ST6GAL2: variants seen among roughly 807,000 people sequenced by gnomAD.
ST6GAL2 encodes the protein beta-galactoside alpha-2,6-sialyltransferase 2.
In ST6GAL2, 24 loss-of-function variants were observed where a neutral mutation model predicts 37.5. That is an observed-to-expected ratio of 0.64 (90% CI 0.46 to 0.90). The LOEUF (loss-of-function observed/expected upper bound fraction) is 0.90. Ranked by LOEUF, ST6GAL2 falls within the 40% of genes least tolerant of loss-of-function variation. The probability of loss-of-function intolerance (pLI) is 0.00; values close to 1 mark genes in which losing one functional copy is unlikely to be tolerated. For synonymous variants in ST6GAL2, 306 were observed against 295.1 expected (o/e 1.04, Z -0.38); for missense variants, 715 against 712.7 (o/e 1.00, Z -0.04).
intron 1 of ST6GAL2, among the ~76,000 whole-genome samples, chr2:106,876,730 T>C (rs1678517207): frequency 6.6e-6 from 1 of 152,198 alleles, no homozygotes; most frequent in African/African-American, 2.4e-5. Flanking sequence ...TCTGTGCAAG[T>C]TGGCACTGGC....
chr2:106,859,347 G>T (rs1439131648), intron 1 of ST6GAL2, among the ~76,000 whole-genome samples: 1 of 152,112 alleles, frequency 6.6e-6, no homozygotes, highest in African/African-American at 2.4e-5. Flanking sequence ...AGTTATAATT[G>T]TGCTGTGTTC....
At chr2:106,841,920 C>A (rs553992811) in intron 2 of ST6GAL2, among the ~76,000 whole-genome samples, 1 of 152,306 alleles carries the variant, frequency 6.6e-6, no homozygotes. Flanking sequence ...GGCCACAGTG[C>A]CCAGCTGGTT....
At chr2:106,827,117 G>T (rs1240328682) in intron 5 of ST6GAL2, among the ~76,000 whole-genome samples, 1 of 152,186 alleles carries the variant, frequency 6.6e-6, no homozygotes, top group East Asian at 1.9e-4. Flanking sequence ...ACAATGAGGT[G>T]CTGAGACAAC....
intron 1 of ST6GAL2, among the ~76,000 whole-genome samples, chr2:106,863,920 T>C (rs1677913778): frequency 6.6e-6 from 1 of 152,146 alleles, no homozygotes; most frequent in African/African-American, 2.4e-5. Context: ...CCTCAGAACC[T>C]CTAAGGAGGT....
At chr2:106,870,725 G>A (rs6543456) in intron 1 of ST6GAL2, among the ~76,000 whole-genome samples, 15 of 152,114 alleles carry the variant, frequency 9.9e-5, no homozygotes, top group Admixed American at 6.5e-4. Context: ...TTAACATTCC[G>A]GAATACAGTC....
intron 1 of ST6GAL2, among the ~76,000 whole-genome samples, chr2:106,875,742 TCTC>T (rs1195379515): frequency 2.0e-5 from 3 of 152,206 alleles, no homozygotes; most frequent in African/African-American, 7.2e-5. Flanking sequence ...CTTTAAAACA[TCTC>T]CTAAGAGAAT....
At chr2:106,886,062 T>G (rs1200874496) in intron 1 of ST6GAL2, 31 bp downstream of exon 1, 1 of 151,246 alleles carries the variant, frequency 6.6e-6, no homozygotes, top group Non-Finnish European at 1.5e-5. Context: ...AAGAAAGGCG[T>G]CGCCAACCCT....
At chr2:106,815,602 C>T (rs967181635) in intron 5 of ST6GAL2, among the ~76,000 whole-genome samples, 5 of 152,108 alleles carry the variant, frequency 3.3e-5, no homozygotes, top group African/African-American at 7.2e-5. Context: ...TCAGATGACA[C>T]GCATTACAAT....
intron 1 of ST6GAL2, among the ~76,000 whole-genome samples, chr2:106,859,048 C>T (rs78367276): frequency 1.8e-4 from 28 of 152,248 alleles, no homozygotes; most frequent in African/African-American, 6.0e-4. Context: ...GCCAATGCTG[C>T]GACAGTACAA....
At chr2:106,862,203 T>C (rs530456012) in intron 1 of ST6GAL2, among the ~76,000 whole-genome samples, 76 of 152,338 alleles carry the variant, frequency 5.0e-4, no homozygotes, top group Non-Finnish European at 9.4e-4. Flanking sequence ...CGTGAAGCAG[T>C]ACCAATCTTT....
At chr2:106,876,328 G>C (rs963683912) in intron 1 of ST6GAL2, among the ~76,000 whole-genome samples, 1 of 152,088 alleles carries the variant, frequency 6.6e-6, no homozygotes, top group Non-Finnish European at 1.5e-5. Flanking sequence ...CTGAACAAAT[G>C]GCAAAACTAA....
chr2:106,865,686 G>A (rs1174606449), intron 1 of ST6GAL2, among the ~76,000 whole-genome samples: 2 of 152,056 alleles, frequency 1.3e-5, no homozygotes, highest in Admixed American at 1.3e-4. Context: ...AATTTTTAGG[G>A]CCCATGTCAG....
rs747591331 is a variant in ST6GAL2, at chr2:106,806,640, T to C, written c.*38A>G. 1.2e-5 allele frequency: 19 copies of C among 1,596,496 alleles called. No individual in the cohort carries two copies. The highest frequency in any genetic ancestry group is 1.5e-5 in the Non-Finnish European group (18 of 1,168,846). On this transcript the variant is annotated 3_prime_UTR_variant, in exon 6 of 6. Coordinates refer to ENST00000409382, the MANE Select transcript of ST6GAL2 (RefSeq NM_001142351.2). ...TCTTTTGTGACTTTGAGTACAACAG[T>C]AGTACCTTATTGCACATTGATTCCC...
intron 5 of ST6GAL2, among the ~76,000 whole-genome samples, chr2:106,823,940 C>T (rs966746892): frequency 3.3e-5 from 5 of 152,168 alleles, no homozygotes; most frequent in African/African-American, 4.8e-5. Flanking sequence ...AATCACCTCC[C>T]AATGGTCCCA....
chr2:106,842,159 T>C (rs1676911036), intron 2 of ST6GAL2, among the ~76,000 whole-genome samples: 1 of 152,218 alleles, frequency 6.6e-6, no homozygotes, highest in Admixed American at 6.5e-5. Flanking sequence ...TGGGCTGCAC[T>C]ACCTATTTCA....
chr2:106,825,997 G>T (rs1259373813), intron 5 of ST6GAL2, among the ~76,000 whole-genome samples: 1 of 152,168 alleles, frequency 6.6e-6, no homozygotes, highest in African/African-American at 2.4e-5. Context: ...ACTTCTCCCT[G>T]GGAATCTAAC....
intron 5 of ST6GAL2, among the ~76,000 whole-genome samples, chr2:106,817,309 T>A (rs1675839181): frequency 6.6e-6 from 1 of 152,168 alleles, no homozygotes; most frequent in African/African-American, 2.4e-5. Flanking sequence ...TGGAAGAGAC[T>A]CCTTCCTTCC....
At chr2:106,862,792 G>C (rs1335303430) in intron 1 of ST6GAL2, among the ~76,000 whole-genome samples, 1 of 152,148 alleles carries the variant, frequency 6.6e-6, no homozygotes, top group Non-Finnish European at 1.5e-5. Context: ...ACCAACCTGA[G>C]GCAGGGCATA....
In ST6GAL2 at chr2:106,806,857, G is replaced by C; in HGVS notation, c.1411C>G (p.Leu471Val). 6.2e-7 allele frequency: 1 copy of C among 1,614,178 alleles called. No individual in the cohort carries two copies. Among genetic ancestry groups the C allele is most frequent in the Non-Finnish European group, 8.5e-7 (1 of 1,180,042 alleles). Residue 471 changes from leucine to valine, a missense_variant, in exon 6 of 6, where the codon CTG becomes GTG. Physicochemically the swap from Leu to Val is conservative, Grantham distance 32. Transcript: ENST00000409382. ...AGGGTGCAGGCTGCGTCGTAGTACA[G>C]CTCGTGGTAGTGGCACAGCTCCGTC... ...RQTELCHYHE[L>V]YYDAACTLGA...
Sources: allele counts gnomAD v4.1 joint callset (sites outside exome capture counted in the v4.1 genomes callset), GRCh38; gene constraint gnomAD v4.1.1; transcripts MANE v1.5; gene names NCBI Gene and HGNC (gene_info 2026-07-23, HGNC 2026-07-21).